The following CSNK2A2 variants were observed in gnomAD, a reference collection of about 807,000 sequenced individuals.
CSNK2A2 encodes the protein casein kinase 2 alpha 2.
In CSNK2A2, 8 loss-of-function variants were observed where a neutral mutation model predicts 54.0. That is an observed-to-expected ratio of 0.15 (90% CI 0.09 to 0.27). CSNK2A2 has a LOEUF of 0.27. CSNK2A2 is among the 10% of genes least tolerant of loss of function. CSNK2A2 has a pLI of 1.00. For missense variants in CSNK2A2, 242 were observed against 439.4 expected (o/e 0.55, Z 4.02); for synonymous variants, 141 against 153.9 (o/e 0.92, Z 0.62).
chr16:58,171,856 C>G (rs1039829419), intron 5 of CSNK2A2, among the ~76,000 whole-genome samples: 4 of 149,550 alleles, frequency 2.7e-5, no homozygotes, highest in African/African-American at 9.9e-5. Context: ...GGCATGATCT[C>G]AGCTCACTGC....
At chr16:58,183,239 T>TAGTA (rs1174152193) in intron 4 of CSNK2A2, among the ~76,000 whole-genome samples, 6 of 150,304 alleles carry the variant, frequency 4.0e-5, no homozygotes, top group Non-Finnish European at 7.4e-5. Context: ...TAGCTGGGGG[T>TAGTA]AGTAGTGCAT....
intron 6 of CSNK2A2, among the ~76,000 whole-genome samples, chr16:58,168,250 G>C (rs529808919): frequency 6.6e-6 from 1 of 152,130 alleles, no homozygotes; most frequent in South Asian, 2.1e-4. Context: ...GGCCAACAGA[G>C]TTGGATATCA....
At chr16:58,171,979 A>ATACATATATATATTT (rs1261137669) in intron 5 of CSNK2A2, among the ~76,000 whole-genome samples, 1 of 66,216 alleles carries the variant, frequency 1.5e-5, no homozygotes, top group African/African-American at 8.4e-5. Flanking sequence ...ATATATATAT[A>ATACATATATATATTT]TTTTTTTTTT....
At chr16:58,181,700 T>C (rs946021973) in intron 4 of CSNK2A2, among the ~76,000 whole-genome samples, 8 of 152,106 alleles carry the variant, frequency 5.3e-5, no homozygotes, top group African/African-American at 1.7e-4. Context: ...AGTCTAACAT[T>C]TGAATGAGTT....
chr16:58,193,620 TAC>T (rs1435609681), intron 2 of CSNK2A2, among the ~76,000 whole-genome samples: 1 of 152,208 alleles, frequency 6.6e-6, no homozygotes, highest in African/African-American at 2.4e-5. Context: ...TACTGAAATC[TAC>T]ACACACAGGC....
chr16:58,158,836 G>A (rs1313864391), intron 11 of CSNK2A2: 1 of 152,198 alleles, frequency 6.6e-6, no homozygotes, highest in Non-Finnish European at 1.5e-5. Flanking sequence ...AGCAGTAAGT[G>A]AGCTCAAATA....
intron 5 of CSNK2A2, among the ~76,000 whole-genome samples, chr16:58,171,958 CATATAT>C (rs71155247): frequency 0.23 from 7,319 of 31,220 alleles, 719 homozygotes; most frequent in East Asian, 0.43. Context: ...CTGGAGCATG[CATATAT>C]ATATATATAT....
Position 58,158,281 on chromosome 16 carries a change from C to T in CSNK2A2, c.*90G>A, listed in dbSNP as rs1007505246. On this transcript the variant is annotated 3_prime_UTR_variant, in exon 12 of 12. Transcript: ENST00000262506. The stretch of plus-strand genomic sequence containing the variant: ...TTTGTGTCTGCTCACGGAACGTGAT[C>T]TCTCTATACGCGTTAAGACGTTTGA... 1 of 152,692 alleles carries T rather than the reference C, an allele frequency of 6.5e-6. No homozygotes were observed. The highest frequency in any genetic ancestry group is 2.4e-5 in the African/African-American group (1 of 41,444). 9.5% of individuals were successfully genotyped at this position (152,692 alleles called of 1,614,324 possible). A position where few individuals can be genotyped will look rare whatever the true frequency, so the allele number is the denominator to read the frequency against.
At chr16:58,164,434 T>C (rs1278542809) in intron 10 of CSNK2A2, among the ~76,000 whole-genome samples, 2 of 152,212 alleles carry the variant, frequency 1.3e-5, no homozygotes, top group Admixed American at 1.3e-4. Flanking sequence ...AATTTCTACA[T>C]TTATTTTCTT....
intron 2 of CSNK2A2, among the ~76,000 whole-genome samples, chr16:58,191,866 G>A (rs1013609266): frequency 1.3e-5 from 2 of 152,122 alleles, no homozygotes; most frequent in African/African-American, 4.8e-5. Context: ...ACATTTAACC[G>A]TCTTAGATGA....
chr16:58,178,919 T>A (rs747671261), intron 4 of CSNK2A2, among the ~76,000 whole-genome samples: 1 of 152,212 alleles, frequency 6.6e-6, no homozygotes, highest in African/African-American at 2.4e-5. Flanking sequence ...TCTCTGAACA[T>A]AGTGCAATCA....
chr16:58,158,628 C>T (rs1961222805), intron 11 of CSNK2A2, among the ~76,000 whole-genome samples: 1 of 152,216 alleles, frequency 6.6e-6, no homozygotes, highest in Admixed American at 6.5e-5. Context: ...AGGTCTTCCA[C>T]TCTACCCCAT....
In CSNK2A2 at chr16:58,195,997, C is replaced by T. The variant is rs576090568; in HGVS notation, c.216+736G>A. The stretch of plus-strand genomic sequence containing the variant: ...AAGTGATTATCCGCTAAGGAATTTC[C>T]TTCCACTTGGGCTTGAAATACATTT... On this transcript the variant is annotated intron_variant, in intron 2 of 11. Coordinates refer to ENST00000262506, the MANE Select transcript of CSNK2A2 (RefSeq NM_001896.4). Among the ~76,000 whole-genome samples the T allele has an allele frequency of 3.7e-4, 56 of 152,308 alleles. 1 individual carries two copies. Among genetic ancestry groups the T allele is most frequent in the Non-Finnish European group, 4.7e-4 (32 of 68,034 alleles).
At chr16:58,168,212 C>T (rs547065557) in intron 6 of CSNK2A2, among the ~76,000 whole-genome samples, 1 of 152,172 alleles carries the variant, frequency 6.6e-6, no homozygotes, top group African/African-American at 2.4e-5. Flanking sequence ...TCGTCTAATA[C>T]TAGATGATCC....
intron 4 of CSNK2A2, among the ~76,000 whole-genome samples, chr16:58,180,384 T>G (rs1233091739): frequency 6.6e-6 from 1 of 151,880 alleles, no homozygotes; most frequent in Non-Finnish European, 1.5e-5. Flanking sequence ...TTTTTTTTTT[T>G]TTGTGACCAG....
At chr16:58,162,362 T>G (rs1961408457) in intron 11 of CSNK2A2, 1 of 152,252 alleles carries the variant, frequency 6.6e-6, no homozygotes, top group Non-Finnish European at 1.5e-5. Flanking sequence ...CAGGCAGCAT[T>G]GGTATGAGAA....
chr16:58,197,691 C>T lies in CSNK2A2; in HGVS notation c.46G>A (p.Val16Met). Residue 16 changes from valine to methionine, a missense_variant, in exon 1 of 12, where the codon GTG (valine) becomes ATG (methionine). Around this residue, in one of 5 missense-constraint regions of CSNK2A2, gnomAD observed 48 missense variants for 55.4 expected, o/e 0.87. Coordinates refer to ENST00000262506, the MANE Select transcript of CSNK2A2 (RefSeq NM_001896.4). This position sits in a 1 kb window ranked among gnomAD's most constrained non-coding sequence, Gnocchi z 4.0. Reference protein sequence around the residue: ...AGSRARVYAEVNSLRSREYWD... With the variant: ...AGSRARVYAEMNSLRSREYWD... ...TACTCGCGGCTCCTCAGACTGTTCA[C>T]CTCGGCGTAGACCCGGGCCCTGCTG... 1.3e-6 allele frequency: 2 copies of T among 1,564,742 alleles called. No homozygotes were observed. The highest frequency in any genetic ancestry group is 2.5e-5 in the East Asian group (1 of 39,376).
intron 2 of CSNK2A2, among the ~76,000 whole-genome samples, chr16:58,188,526 C>T (rs1478995571): frequency 2.6e-5 from 4 of 152,198 alleles, no homozygotes; most frequent in Admixed American, 2.6e-4. Context: ...GAATGTAACA[C>T]ATGACTACAG....
chr16:58,168,709 G>T lies in CSNK2A2; in HGVS notation c.430-16C>A. On this transcript the variant is annotated splice_polypyrimidine_tract_variant and intron_variant, in intron 5 of 11. Coordinates refer to ENST00000262506, the MANE Select transcript of CSNK2A2 (RefSeq NM_001896.4). ...AATCCAGAGCCTATTAGGTAAGAAA[G>T]CACAGATAATAGTAAGCAACCCCTC... 6.2e-7 allele frequency: 1 copy of T among 1,603,718 alleles called. No individual in the cohort carries two copies. The highest frequency in any genetic ancestry group is 8.5e-7 in the Non-Finnish European group (1 of 1,170,910).
Sources: gnomAD v4.1 joint callset for allele counts (sites outside exome capture counted in the v4.1 genomes callset) on GRCh38, gnomAD v4.1.1 for gene constraint, gnomAD v4.1.1 regional missense constraint, Gnocchi (gnomAD v3.1) non-coding constraint, MANE v1.5 for transcripts, NCBI Gene and HGNC (gene_info 2026-07-23, HGNC 2026-07-21) for gene names.